Variants in PDE4B observed in about 807,000 individuals in gnomAD.
PDE4B encodes the protein phosphodiesterase 4B.
Under a neutral mutation model 82.2 loss-of-function variants are expected in PDE4B, and 20 were observed. That is an observed-to-expected ratio of 0.24 (90% CI 0.17 to 0.35). The LOEUF (loss-of-function observed/expected upper bound fraction) is 0.35. Ranked by LOEUF, PDE4B falls within the 10% of genes least tolerant of loss-of-function variation. PDE4B has a pLI of 1.00. For missense variants in PDE4B, 655 were observed against 907.2 expected (o/e 0.72, Z 3.57); for synonymous variants, 320 against 318.9 (o/e 1.00, Z -0.04).
At chr1:66,096,624 A>G (rs1168310461) in intron 3 of PDE4B, among the ~76,000 whole-genome samples, 2 of 149,512 alleles carry the variant, frequency 1.3e-5, no homozygotes, top group African/African-American at 4.9e-5. Flanking sequence ...ATTTTTATAT[A>G]TCAAGTAAGT....
chr1:66,158,792 A>T (rs1646552299), intron 3 of PDE4B, among the ~76,000 whole-genome samples: 1 of 152,232 alleles, frequency 6.6e-6, no homozygotes. Context: ...ATTTGTGGCA[A>T]CGTGGTTGAA....
chr1:66,274,303 G>A (rs1655715133), intron 7 of PDE4B, among the ~76,000 whole-genome samples: 1 of 151,414 alleles, frequency 6.6e-6, no homozygotes, highest in Admixed American at 6.6e-5. Flanking sequence ...TGGGATTACA[G>A]GTATGCGTCA....
At chr1:66,346,589 T>A (rs529024124) in intron 8 of PDE4B, among the ~76,000 whole-genome samples, 1 of 152,338 alleles carries the variant, frequency 6.6e-6, no homozygotes, top group African/African-American at 2.4e-5. Context: ...AGTCTGAACT[T>A]CTATGAGTAA....
intron 7 of PDE4B, among the ~76,000 whole-genome samples, chr1:66,308,611 T>C (rs1658448297): frequency 6.6e-6 from 1 of 152,206 alleles, no homozygotes; most frequent in Admixed American, 6.6e-5. Context: ...TTTAATGTAC[T>C]TTTTAATATC....
Position 65,813,722 on chromosome 1 carries a change from A to G in PDE4B, c.-71+20474A>G, listed in dbSNP as rs949613865. Among the ~76,000 whole-genome samples the G allele has an allele frequency of 2.6e-5, 4 of 152,158 alleles. No individual in the cohort carries two copies. In the East Asian group the frequency reaches 7.7e-4, roughly 29 times the overall value. On this transcript the variant is annotated intron_variant, in intron 1 of 16. Transcript: ENST00000341517. ...AATGGGTAGAAATTATGATTTTTAA[A>G]GTAAAAGAGGAAAATGAATCAAGGA...
chr1:65,958,327 G>T (rs1649363124), intron 3 of PDE4B, among the ~76,000 whole-genome samples: 2 of 151,676 alleles, frequency 1.3e-5, no homozygotes, highest in Non-Finnish European at 1.5e-5. Context: ...GCTCAACTTG[G>T]TCAAGATATA....
intron 3 of PDE4B, among the ~76,000 whole-genome samples, chr1:66,106,782 A>G (rs1645369180): frequency 1.4e-5 from 2 of 142,374 alleles, no homozygotes; most frequent in African/African-American, 2.5e-5. Context: ...ATCGGTGGTG[A>G]TATCCCCTTT....
intron 3 of PDE4B, among the ~76,000 whole-genome samples, chr1:66,082,284 T>A (rs1656782236): frequency 6.6e-6 from 1 of 152,154 alleles, no homozygotes; most frequent in Non-Finnish European, 1.5e-5. Context: ...TTGTTCTCTC[T>A]GGGCTCCTTG....
In PDE4B at chr1:66,175,779, G is replaced by A. The variant is rs116622134; in HGVS notation, c.282-71681G>A. Among the ~76,000 whole-genome samples, 967 of 152,242 alleles carry A rather than the reference G, an allele frequency of 6.4e-3. 14 individuals are homozygous for A. The highest frequency in any genetic ancestry group is 0.022 in the African/African-American group (911 of 41,540). Reference sequence around the variant, plus strand: ...ATAGAACTGCATACATCCTGCTCCAGCAGAACACACACTTAAAAGTCAGTC... The same window carrying A: ...ATAGAACTGCATACATCCTGCTCCAACAGAACACACACTTAAAAGTCAGTC... On this transcript the variant is annotated intron_variant, in intron 3 of 16. Coordinates refer to ENST00000341517, the MANE Select transcript of PDE4B (RefSeq NM_002600.4).
At chr1:65,915,879 T>C (rs1216253910) in intron 2 of PDE4B, among the ~76,000 whole-genome samples, 1 of 152,214 alleles carries the variant, frequency 6.6e-6, no homozygotes, top group Non-Finnish European at 1.5e-5. Context: ...CCAGGGAATT[T>C]TGGAAACCAT....
At chr1:66,253,305 G>A (rs1653933911) in intron 4 of PDE4B, among the ~76,000 whole-genome samples, 4 of 152,230 alleles carry the variant, frequency 2.6e-5, no homozygotes, top group African/African-American at 9.6e-5. Flanking sequence ...TAATTTCTGT[G>A]TGTAGTGAGA....
chr1:65,984,047 CTATT>C (rs1650826649), intron 3 of PDE4B, among the ~76,000 whole-genome samples: 1 of 152,146 alleles, frequency 6.6e-6, no homozygotes, highest in African/African-American at 2.4e-5. Flanking sequence ...TACAGAAGCT[CTATT>C]TATAATTGAG....
intron 3 of PDE4B, among the ~76,000 whole-genome samples, chr1:65,926,897 A>C (rs968458724): frequency 6.6e-6 from 1 of 152,222 alleles, no homozygotes; most frequent in Non-Finnish European, 1.5e-5. Flanking sequence ...TAGAGGAACA[A>C]GAATAAGAAT....
chr1:66,265,635 G>A (rs1654973359), intron 6 of PDE4B, among the ~76,000 whole-genome samples: 1 of 152,308 alleles, frequency 6.6e-6, no homozygotes, highest in East Asian at 1.9e-4. Context: ...TGATCGCCAA[G>A]GGTTCCTCTG....
intron 3 of PDE4B, among the ~76,000 whole-genome samples, chr1:66,149,147 C>T (rs1461122099): frequency 1.3e-5 from 2 of 152,134 alleles, no homozygotes; most frequent in African/African-American, 2.4e-5. Flanking sequence ...TTACTGTTTG[C>T]CTTTGTTATT....
chr1:66,000,686 A>G (rs1651816678), intron 3 of PDE4B, among the ~76,000 whole-genome samples: 1 of 152,196 alleles, frequency 6.6e-6, no homozygotes, highest in Non-Finnish European at 1.5e-5. Flanking sequence ...TGCTTCTCAA[A>G]ACCTTTGTAA....
At chr1:66,012,590 C>T (rs747083904) in intron 3 of PDE4B, among the ~76,000 whole-genome samples, 2 of 152,078 alleles carry the variant, frequency 1.3e-5, no homozygotes, top group Non-Finnish European at 2.9e-5. Flanking sequence ...GAAGGAGTAA[C>T]CACATTGTGA....
chr1:65,840,416 A>G (rs990448765), intron 1 of PDE4B, among the ~76,000 whole-genome samples: 1 of 152,226 alleles, frequency 6.6e-6, no homozygotes, highest in Non-Finnish European at 1.5e-5. Context: ...TTATTTTCTT[A>G]AGATACTAAA....
intron 1 of PDE4B, among the ~76,000 whole-genome samples, chr1:65,805,443 G>C (rs1232948356): frequency 6.6e-6 from 1 of 152,200 alleles, no homozygotes; most frequent in African/African-American, 2.4e-5. Context: ...TTGAAAGAGA[G>C]ACTGGGATAT....
Sources: allele counts gnomAD v4.1 joint callset (sites outside exome capture counted in the v4.1 genomes callset), GRCh38; gene constraint gnomAD v4.1.1; transcripts MANE v1.5; gene names NCBI Gene and HGNC (gene_info 2026-07-23, HGNC 2026-07-21).